The following VPS11 variants were observed in gnomAD, a reference collection of about 807,000 sequenced individuals.
VPS11 encodes the protein VPS11 core subunit of CORVET and HOPS complexes.
VPS11 carries 51 observed loss-of-function variants against 106.8 expected under a neutral mutation model. That is an observed-to-expected ratio of 0.48 (90% CI 0.38 to 0.60). VPS11 has a LOEUF of 0.60. Among genes scored for constraint, VPS11 ranks in the 20% least tolerant of loss-of-function variants. VPS11 has a pLI of 0.00. For synonymous variants in VPS11, 453 were observed against 458.7 expected, an observed-to-expected ratio of 0.99 and a Z score of 0.16; for missense variants, 950 against 1,190.0, an observed-to-expected ratio of 0.80 and a Z score of 2.97.
At chr11:119,071,939 C>T in intron 5 of VPS11, 96 bp downstream of exon 5, 4 of 1,463,158 alleles carry the variant, frequency 2.7e-6, no homozygotes, top group East Asian at 4.6e-5. Context: ...CTGCCAATCT[C>T]CTACTCCTAC....
At position 119,071,691 on chromosome 11, in the gene VPS11, C is replaced by A; in HGVS notation, c.732C>A (p.Asp244Glu). 3.1e-6 allele frequency: 5 copies of A among 1,614,032 alleles called. No homozygotes were observed. The highest frequency in any genetic ancestry group is 4.2e-6 in the Non-Finnish European group (5 of 1,179,888). ...RCSALSDPSQ[D>E]LQFIVAGDEC... ...CAGCCCTAAGTGACCCTTCTCAGGA[C>A]CTGCAGTTCATTGTGGCCGGGGATG... Residue 244 changes from aspartate to glutamate, a missense_variant, in exon 5 of 16, where the codon GAC (aspartate) becomes GAA (glutamate). Physicochemically the swap from Asp to Glu is conservative, Grantham distance 45. Transcript: ENST00000621676.
chr11:119,071,121 G>A (rs1381813711), intron 4 of VPS11, among the ~76,000 whole-genome samples: 4 of 151,696 alleles, frequency 2.6e-5, no homozygotes, highest in Middle Eastern at 3.2e-3. Context: ...TAGATATGGG[G>A]GTTTCACCAT....
rs146976011 is a variant in VPS11, at chr11:119,069,682, A to AC, written c.472+106dup. 4.0e-3 allele frequency: 6,053 copies of AC among 1,501,216 alleles called. 124 individuals are homozygous for AC. The African/African-American group carries it at 0.054, about 13-fold the overall frequency. 93.0% of individuals were successfully genotyped at this position (1,501,216 alleles called of 1,614,324 possible). ...TTTTCAGGAGACCACTTTGTACTGA[A>AC]CTGAGGCCTTTGCGATATTAAATTT... On this transcript the variant is annotated intron_variant, in intron 3 of 15. Coordinates refer to ENST00000621676, the MANE Select transcript of VPS11 (RefSeq NM_021729.6).
Position 119,078,661 on chromosome 11 carries a change from G to T in VPS11, c.2020G>T (p.Asp674Tyr), listed in dbSNP as rs782277549. The change falls in exon 12 of 16, where the codon GAC (aspartate) becomes TAC (tyrosine). Residue 674 changes from aspartate (D) to tyrosine (Y), a missense_variant. Transcript: ENST00000621676. Reference protein sequence around the residue: ...DKALVLCQMHDFQDGVLYLYE... With the variant: ...DKALVLCQMHYFQDGVLYLYE... The stretch of plus-strand genomic sequence containing the variant: ...GGCCCTGGTCCTGTGCCAGATGCAC[G>T]ACTTCCAGGATGGTGTCCTTTACCT... 2 of 1,613,362 alleles carry T rather than the reference G, an allele frequency of 1.2e-6. No individual in the cohort carries two copies. The highest frequency in any genetic ancestry group is 1.7e-5 in the Admixed American group (1 of 59,912).
chr11:119,078,486 A>G lies in VPS11; in HGVS notation c.1924-79A>G, dbSNP rs534062902. On this transcript the variant is annotated intron_variant, in intron 11 of 15. Transcript: ENST00000621676. ...TGTGAAGAGGGAATGGACTGAGGGA[A>G]AGAGTTGACTGGCTTTGTCCCAAGA... 1.2e-3 allele frequency: 1,864 copies of G among 1,584,094 alleles called. 9 individuals are homozygous for G. Among genetic ancestry groups the G allele is most frequent in the Middle Eastern group, 5.2e-3 (30 of 5,750 alleles).
At position 119,069,532 on chromosome 11, in the gene VPS11, G is replaced by GT; in HGVS notation, c.428dup (p.Ser144IlefsTer7). On this transcript the variant is annotated frameshift_variant, in exon 3 of 16. Coordinates refer to ENST00000621676, the MANE Select transcript of VPS11 (RefSeq NM_021729.6). LOFTEE classifies it high-confidence loss of function. Reference sequence around the variant, plus strand: ...TATTCCAGGAACAGAGCCAACTGTTGTATCTTGTTTGACTGTCCATGAAAA... The same window carrying GT: ...TATTCCAGGAACAGAGCCAACTGTTGTTATCTTGTTTGACTGTCCATGAAAA... 2 of 1,614,002 alleles carry GT rather than the reference G, an allele frequency of 1.2e-6. No homozygotes were observed. Among genetic ancestry groups the GT allele is most frequent in the Non-Finnish European group, 1.7e-6 (2 of 1,179,882 alleles).
intron 14 of VPS11, among the ~76,000 whole-genome samples, chr11:119,080,785 G>C (rs574678722): frequency 6.6e-6 from 1 of 152,310 alleles, no homozygotes; most frequent in African/African-American, 2.4e-5. Flanking sequence ...CCCAGGAAAG[G>C]CCTCAGTGAA....
At chr11:119,081,023 C>T in intron 14 of VPS11, 69 bp from the exon 15 acceptor site, 2 of 1,449,182 alleles carry the variant, frequency 1.4e-6, no homozygotes, top group East Asian at 2.3e-5. Context: ...CAGCTGCCTT[C>T]TTTCTCATCC....
intron 14 of VPS11, among the ~76,000 whole-genome samples, chr11:119,080,115 G>A (rs1176937380): frequency 6.6e-6 from 1 of 152,054 alleles, no homozygotes; most frequent in Non-Finnish European, 1.5e-5. Context: ...CTAGAGTGCA[G>A]TGGCGCGATC....
At position 119,073,417 on chromosome 11, in the gene VPS11, G is replaced by A. The variant is rs577271972; in HGVS notation, c.1086+18G>A. On this transcript the variant is annotated intron_variant, in intron 6 of 15. Transcript: ENST00000621676. ...AACTGGAGGCAAGGCCACCAGGCTCGCAGAGCTGGCCACAGGCACCTAGAA... is the reference window on the plus strand; with the variant it reads ...AACTGGAGGCAAGGCCACCAGGCTCACAGAGCTGGCCACAGGCACCTAGAA... 1.1e-4 allele frequency: 171 copies of A among 1,609,850 alleles called. 1 individual carries two copies. The highest frequency in any genetic ancestry group is 6.2e-4 in the South Asian group (56 of 90,782).
rs781855028 is a variant in VPS11, at chr11:119,079,155, A to G, written c.2293A>G (p.Thr765Ala). The change falls in exon 14 of 16, where the codon ACA (threonine) becomes GCA (alanine). Residue 765 changes from threonine to alanine, a missense_variant. This residue lies in a region of VPS11 where 453 missense variants were observed against 514.6 expected (regional missense o/e 0.88). Coordinates refer to ENST00000621676, the MANE Select transcript of VPS11 (RefSeq NM_021729.6). Reference protein sequence around the residue: ...LVVQTLAHNSTATLSVIRDYL... With the variant: ...LVVQTLAHNSAATLSVIRDYL... ...GGTGCAGACCCTGGCCCACAACTCCACAGCCACACTCTCCGTCATCAGGGA... is the reference window on the plus strand; with the variant it reads ...GGTGCAGACCCTGGCCCACAACTCCGCAGCCACACTCTCCGTCATCAGGGA... The G allele has an allele frequency of 1.2e-6, 2 of 1,613,722 alleles. No homozygotes were observed. Among genetic ancestry groups the G allele is most frequent in the Non-Finnish European group, 1.7e-6 (2 of 1,179,848 alleles).
At position 119,071,841 on chromosome 11, in the gene VPS11, C is replaced by T; in HGVS notation, c.882C>T (p.Pro294=). ...TCTCCCGTGACCGGAAGGTTTCTCC[C>T]AAGTAAGGACTCAGTGAGAAGGGAC... The part of the protein sequence containing the change: ...IIVSRDRKVS[P]KSEFTSRDSQ... The change falls in exon 5 of 16, where the codon CCC becomes CCT. Residue 294 remains proline (P), a splice_region_variant and synonymous_variant. Transcript: ENST00000621676. The T allele has an allele frequency of 6.2e-7, 1 of 1,611,226 alleles. No homozygotes were observed. The highest frequency in any genetic ancestry group is 1.3e-5 in the African/African-American group (1 of 74,974).
chr11:119,080,121 C>G (rs782387402), intron 14 of VPS11, among the ~76,000 whole-genome samples: 1 of 151,994 alleles, frequency 6.6e-6, no homozygotes, highest in Non-Finnish European at 1.5e-5. Context: ...TGCAGTGGCG[C>G]GATCTCAGCT....
chr11:119,070,108 A>T, intron 3 of VPS11, 126 bp from the exon 4 acceptor site: 1 of 764,730 alleles, frequency 1.3e-6, no homozygotes, highest in Non-Finnish European at 1.9e-6. Context: ...ATTCAGGTTA[A>T]CCATTAGAGA....
intron 3 of VPS11, 147 bp downstream of exon 3, chr11:119,069,724 C>T (rs941208083): frequency 3.5e-6 from 4 of 1,147,404 alleles, no homozygotes; most frequent in African/African-American, 1.5e-5. Context: ...GGGGGCCAGG[C>T]GCGGTGGCTC....
intron 1 of VPS11, 54 bp downstream of exon 1, chr11:119,068,064 T>TTAGGATGAAATCTGTTTGTCGG: frequency 5.9e-6 from 9 of 1,520,972 alleles, no homozygotes; most frequent in Non-Finnish European, 8.0e-6. Context: ...AGAGATCGAG[T>TTAGGATGAAATCTGTTTGTCGG]TAGGATGAAA....
chr11:119,078,344 G>A lies in VPS11; in HGVS notation c.1923+10G>A. ...CGAGAAGGATCCACAGGTGAGGCCT[G>A]GCCAGGGCTTCAGGAGAAAAGACAG... On this transcript the variant is annotated intron_variant, in intron 11 of 15. Coordinates refer to ENST00000621676, the MANE Select transcript of VPS11 (RefSeq NM_021729.6). The A allele has an allele frequency of 6.2e-7, 1 of 1,607,662 alleles. No individual in the cohort carries two copies. Among genetic ancestry groups the A allele is most frequent in the Non-Finnish European group, 8.5e-7 (1 of 1,179,560 alleles).
intron 7 of VPS11, 102 bp downstream of exon 7, chr11:119,074,053 G>T: frequency 7.4e-7 from 1 of 1,357,992 alleles, no homozygotes; most frequent in Non-Finnish European, 9.8e-7. Context: ...AATTCTACCA[G>T]GAACTGTTTT....
intron 9 of VPS11, 21 bp downstream of exon 9, chr11:119,077,668 T>TC (rs782048717): frequency 1.9e-6 from 3 of 1,571,404 alleles, no homozygotes; most frequent in Non-Finnish European, 1.7e-6. Context: ...CTGTCTTTTT[T>TC]CCCCAAGAGA....
Sources: gnomAD v4.1 joint callset for allele counts (sites outside exome capture counted in the v4.1 genomes callset) on GRCh38, gnomAD v4.1.1 for gene constraint, gnomAD v4.1.1 regional missense constraint, MANE v1.5 for transcripts, NCBI Gene and HGNC (gene_info 2026-07-23, HGNC 2026-07-21) for gene names.